Variants in LAMA4 observed in about 807,000 individuals in gnomAD.
LAMA4 encodes the protein laminin subunit alpha 4, also known as laminin subunit alpha-4.
LAMA4 carries 127 observed loss-of-function variants against 207.1 expected under a neutral mutation model. That is an observed-to-expected ratio of 0.61 (90% CI 0.53 to 0.71). The LOEUF (loss-of-function observed/expected upper bound fraction) is 0.71. LAMA4 is among the 30% of genes least tolerant of loss of function. The pLI is 0.00. For missense variants in LAMA4, 2,093 were observed against 2,246.5 expected (o/e 0.93, Z 1.38); for synonymous variants, 761 against 816.0 (o/e 0.93, Z 1.15).
chr6:112,254,939 CTG>C (rs1261182842), upstream of LAMA4: 9 of 152,254 alleles, frequency 5.9e-5, no homozygotes, highest in African/African-American at 2.2e-4. Flanking sequence ...GGGGGATAGA[CTG>C]TTGCACTCTT....
intron 2 of LAMA4, among the ~76,000 whole-genome samples, chr6:112,247,700 T>C (rs1787093583): frequency 6.6e-6 from 1 of 152,094 alleles, no homozygotes; most frequent in African/African-American, 2.4e-5. Context: ...CTTAAAACTT[T>C]CTCTGTACCA....
chr6:112,237,795 C>A lies in LAMA4; in HGVS notation c.195+16161G>T, dbSNP rs548804839. On this transcript the variant is annotated intron_variant, in intron 2 of 38. Coordinates refer to ENST00000230538, the MANE Select transcript of LAMA4 (RefSeq NM_001105206.3). ...CAGCATCTGTTCTCTCCTTTCCAGA[C>A]CACAGCTAGCATCCAAATCCAGGCC... Among the ~76,000 whole-genome samples, 16 of 152,354 alleles carry A rather than the reference C, an allele frequency of 1.1e-4. No homozygotes were observed. In the South Asian group the frequency reaches 3.1e-3, roughly 30 times the overall value.
At chr6:112,193,453 A>G (rs911930678) in intron 5 of LAMA4, among the ~76,000 whole-genome samples, 1 of 147,690 alleles carries the variant, frequency 6.8e-6, no homozygotes, top group Non-Finnish European at 1.5e-5. Flanking sequence ...ATGATTCAGA[A>G]CATTTGAAAA....
intron 3 of LAMA4, 79 bp from the exon 4 acceptor site, chr6:112,207,224 CT>C: frequency 1.3e-6 from 2 of 1,507,076 alleles, no homozygotes; most frequent in Middle Eastern, 2.2e-4. Flanking sequence ...TCATGCAATA[CT>C]TTTTCAAGCA....
intron 13 of LAMA4, among the ~76,000 whole-genome samples, chr6:112,160,958 G>A (rs184522513): frequency 3.9e-5 from 6 of 152,240 alleles, no homozygotes; most frequent in Admixed American, 2.0e-4. Context: ...TCAGCTGACC[G>A]CTCTTCTCTC....
intron 3 of LAMA4, among the ~76,000 whole-genome samples, chr6:112,207,419 A>T (rs1236871687): frequency 6.6e-6 from 1 of 152,146 alleles, no homozygotes; most frequent in Non-Finnish European, 1.5e-5. Flanking sequence ...GAGATTATTC[A>T]TCAGTTACTT....
intron 34 of LAMA4, 75 bp downstream of exon 34, chr6:112,119,081 G>T: frequency 6.8e-7 from 1 of 1,461,042 alleles, no homozygotes; most frequent in Non-Finnish European, 9.6e-7. Flanking sequence ...TTCCTAATCT[G>T]TGAGACGAGG....
intron 2 of LAMA4, among the ~76,000 whole-genome samples, chr6:112,227,963 A>G (rs4947179): frequency 6.6e-6 from 1 of 152,082 alleles, no homozygotes; most frequent in Non-Finnish European, 1.5e-5. Flanking sequence ...TCCTCAAAAT[A>G]GTGCACAATA....
At chr6:112,249,367 C>T (rs1266892752) in intron 2 of LAMA4, among the ~76,000 whole-genome samples, 2 of 138,730 alleles carry the variant, frequency 1.4e-5, no homozygotes, top group African/African-American at 5.5e-5. Context: ...CGCTTTAACT[C>T]AGGAGGCAGG....
At chr6:112,185,050 G>A (rs1394450615) in intron 9 of LAMA4, among the ~76,000 whole-genome samples, 187 bp downstream of exon 9, 4 of 152,146 alleles carry the variant, frequency 2.6e-5, no homozygotes, top group African/African-American at 9.7e-5. Flanking sequence ...CAAAACGAGA[G>A]GAGACGGTAG....
intron 2 of LAMA4, among the ~76,000 whole-genome samples, chr6:112,246,710 C>T (rs1048414624): frequency 1.3e-5 from 2 of 152,014 alleles, no homozygotes; most frequent in African/African-American, 2.4e-5. Flanking sequence ...TTAGTAGAGG[C>T]GGGGTCTCAC....
intron 11 of LAMA4, among the ~76,000 whole-genome samples, chr6:112,174,596 G>A (rs781986886): frequency 6.6e-6 from 1 of 152,168 alleles, no homozygotes; most frequent in Non-Finnish European, 1.5e-5. Context: ...AGGTTCAAGC[G>A]ATTCTCCTGC....
intron 9 of LAMA4, chr6:112,179,954 C>A (rs782366330): frequency 1.9e-6 from 1 of 531,700 alleles, no homozygotes; most frequent in Non-Finnish European, 3.9e-6. Context: ...CCAGTGCTTT[C>A]CAGAAAAACA....
At chr6:112,188,301 G>C (rs1782811548) in intron 7 of LAMA4, among the ~76,000 whole-genome samples, 1 of 152,218 alleles carries the variant, frequency 6.6e-6, no homozygotes, top group African/African-American at 2.4e-5. Context: ...TCAAGGGAAT[G>C]ATTCCCAGCC....
At position 112,114,682 on chromosome 6, in the gene LAMA4, G is replaced by C. The variant is rs1554322859; in HGVS notation, c.5187C>G (p.Gly1729=). The C allele has an allele frequency of 1.2e-6, 2 of 1,612,060 alleles. No homozygotes were observed. The highest frequency in any genetic ancestry group is 1.3e-5 in the African/African-American group (1 of 74,828). Reference sequence around the variant, plus strand: ...TCTCACCTGTAATTCTGTGCCATCTGCCATCACAGAGACTCTGCTTGGGTG... The same window carrying C: ...TCTCACCTGTAATTCTGTGCCATCTCCCATCACAGAGACTCTGCTTGGGTG... ...SVTPKQSLCD[G]RWHRITVIRD... is the part of the protein sequence containing the mutation. The change falls in exon 37 of 39, where the codon GGC becomes GGG. Residue 1729 remains glycine (G), a synonymous_variant. Transcript: ENST00000230538.
At chr6:112,169,087 G>A (rs1184205616) in intron 12 of LAMA4, among the ~76,000 whole-genome samples, 1 of 152,208 alleles carries the variant, frequency 6.6e-6, no homozygotes, top group Non-Finnish European at 1.5e-5. Context: ...TCTTAAGTAG[G>A]AAGCCATTGA....
At chr6:112,191,956 C>CA in intron 5 of LAMA4, 106 bp from the exon 6 acceptor site, 1 of 971,012 alleles carries the variant, frequency 1.0e-6, no homozygotes, top group Non-Finnish European at 1.6e-6. Context: ...TATTGATTTC[C>CA]CTCCCAGAAT....
At chr6:112,190,491 T>C (rs1395583819) in intron 6 of LAMA4, among the ~76,000 whole-genome samples, 5 of 152,220 alleles carry the variant, frequency 3.3e-5, no homozygotes, top group African/African-American at 1.2e-4. Context: ...TATAGAGGCA[T>C]GCCACAGGAG....
intron 12 of LAMA4, among the ~76,000 whole-genome samples, chr6:112,166,724 A>G (rs1358825695): frequency 6.6e-6 from 1 of 152,248 alleles, no homozygotes; most frequent in East Asian, 1.9e-4. Flanking sequence ...AGAAATGAAT[A>G]AAATTAGCTT....
Sources: gnomAD v4.1 joint callset for allele counts (sites outside exome capture counted in the v4.1 genomes callset) on GRCh38, gnomAD v4.1.1 for gene constraint, MANE v1.5 for transcripts, NCBI Gene and HGNC (gene_info 2026-07-23, HGNC 2026-07-21) for gene names.